Variants in NCMAP observed in about 807,000 individuals in gnomAD.
The protein encoded by NCMAP is noncompact myelin-associated protein.
A neutral mutation model predicts 7.8 loss-of-function variants in NCMAP; 8 were observed. The observed-to-expected ratio is 1.02, with a 90% CI of 0.60 to 1.84. The LOEUF (loss-of-function observed/expected upper bound fraction) is 1.84. Among genes scored for constraint, NCMAP ranks in the 40% most tolerant of loss-of-function variants. The pLI is 0.00. For synonymous variants in NCMAP, 41 were observed against 52.9 expected, an observed-to-expected ratio of 0.78 and a Z score of 0.98; for missense variants, 112 against 131.4, an observed-to-expected ratio of 0.85 and a Z score of 0.72.
Position 24,592,854 on chromosome 1 carries a change from G to C in NCMAP, c.-7-2570G>C, listed in dbSNP as rs182234787. Among the ~76,000 whole-genome samples, 74 of 152,268 alleles carry C rather than the reference G, an allele frequency of 4.9e-4. 1 individual carries two copies. The East Asian group carries it at 0.013, about 28-fold the overall frequency. The stretch of plus-strand genomic sequence containing the variant: ...GAATGGCGTGAACCCGGGAGGCGGA[G>C]CTTGCAGTGAGCCGTGATCATGCCA... On this transcript the variant is annotated intron_variant, in intron 1 of 3. Transcript: ENST00000374392.
chr1:24,557,205 G>C (rs915176730), intron 1 of NCMAP, among the ~76,000 whole-genome samples: 1 of 152,114 alleles, frequency 6.6e-6, no homozygotes, highest in African/African-American at 2.4e-5. Context: ...ATACATATTT[G>C]TCCAATGAAT....
intron 1 of NCMAP, among the ~76,000 whole-genome samples, chr1:24,582,189 A>G (rs913586806): frequency 7.2e-5 from 11 of 152,120 alleles, no homozygotes; most frequent in Non-Finnish European, 8.8e-5. Flanking sequence ...GATCCACCTC[A>G]GTGCCTCCCG....
At chr1:24,567,458 C>T (rs1195329401) in intron 1 of NCMAP, among the ~76,000 whole-genome samples, 1 of 152,134 alleles carries the variant, frequency 6.6e-6, no homozygotes, top group African/African-American at 2.4e-5. Context: ...CCCACTAGGG[C>T]CCAGGCATTC....
At position 24,579,937 on chromosome 1, in the gene NCMAP, A is replaced by G. The variant is rs189556862; in HGVS notation, c.-7-15487A>G. ...GGCTTTGACATTCCCATTTTCAGCC[A>G]GAGATTAGCCTTTGGCAGAGCTGAG... On this transcript the variant is annotated intron_variant, in intron 1 of 3. Transcript: ENST00000374392. Among the ~76,000 whole-genome samples, 373 of 152,286 alleles carry G rather than the reference A, an allele frequency of 2.4e-3. 5 individuals are homozygous for G. The highest frequency in any genetic ancestry group is 8.4e-3 in the African/African-American group (348 of 41,552).
chr1:24,598,867 A>G (rs1183528622), intron 2 of NCMAP, among the ~76,000 whole-genome samples: 1 of 149,718 alleles, frequency 6.7e-6, no homozygotes, highest in African/African-American at 2.5e-5. Context: ...CAAACTCCTG[A>G]CCTCAGGTGA....
intron 1 of NCMAP, among the ~76,000 whole-genome samples, chr1:24,572,634 C>A (rs992389882): frequency 6.6e-6 from 1 of 150,628 alleles, no homozygotes; most frequent in South Asian, 2.1e-4. Flanking sequence ...CTGCTCAGCC[C>A]CCTCCTCCTA....
intron 1 of NCMAP, among the ~76,000 whole-genome samples, chr1:24,573,532 G>A (rs1339390022): frequency 6.6e-6 from 1 of 150,644 alleles, no homozygotes; most frequent in Non-Finnish European, 1.5e-5. Context: ...AGGTTGCAGT[G>A]AGCTAAGATC....
chr1:24,560,859 G>A (rs919585930), intron 1 of NCMAP, among the ~76,000 whole-genome samples: 2 of 152,090 alleles, frequency 1.3e-5, no homozygotes, highest in Non-Finnish European at 2.9e-5. Flanking sequence ...GAAAACAAAT[G>A]GTTAACTTGC....
intron 2 of NCMAP, among the ~76,000 whole-genome samples, chr1:24,597,753 T>C (rs944837057): frequency 6.6e-6 from 1 of 152,148 alleles, no homozygotes; most frequent in Non-Finnish European, 1.5e-5. Flanking sequence ...CTAGATAGGG[T>C]TACCAGATTT....
intron 2 of NCMAP, among the ~76,000 whole-genome samples, chr1:24,597,692 A>G (rs1298638078): frequency 1.0e-5 from 1 of 96,624 alleles, no homozygotes; most frequent in African/African-American, 3.0e-5. Flanking sequence ...GAAAGAAAGA[A>G]AGAGAAAGAA....
intron 2 of NCMAP, among the ~76,000 whole-genome samples, chr1:24,598,476 G>A (rs1426782829): frequency 6.6e-6 from 1 of 151,716 alleles, no homozygotes; most frequent in Non-Finnish European, 1.5e-5. Context: ...TTATATAAAT[G>A]GCCTATAGGT....
chr1:24,604,072 C>T (rs960471570), intron 3 of NCMAP, among the ~76,000 whole-genome samples: 8 of 152,180 alleles, frequency 5.3e-5, no homozygotes, highest in Non-Finnish European at 2.9e-5. Context: ...CCTAAGAAGT[C>T]CTTTTATAAT....
At chr1:24,601,716 G>A (rs1193701541) in intron 3 of NCMAP, among the ~76,000 whole-genome samples, 2 of 152,088 alleles carry the variant, frequency 1.3e-5, no homozygotes, top group Admixed American at 6.6e-5. Flanking sequence ...TCCAGCCTGG[G>A]CAACATAGCA....
chr1:24,562,978 G>GA (rs1651098020), intron 1 of NCMAP, among the ~76,000 whole-genome samples: 1 of 152,204 alleles, frequency 6.6e-6, no homozygotes, highest in Admixed American at 6.5e-5. Flanking sequence ...GCATCCCTGG[G>GA]GGGGGACAGG....
chr1:24,560,507 C>T (rs1929305), intron 1 of NCMAP, among the ~76,000 whole-genome samples: 17 of 152,168 alleles, frequency 1.1e-4, no homozygotes, highest in Non-Finnish European at 2.2e-4. Flanking sequence ...TGTTGGCTCA[C>T]GCCAAGGCAG....
At chr1:24,565,660 G>A (rs931772178) in intron 1 of NCMAP, among the ~76,000 whole-genome samples, 17 of 151,414 alleles carry the variant, frequency 1.1e-4, no homozygotes, top group African/African-American at 2.9e-4. Flanking sequence ...GTGCAGTGGC[G>A]TGATCATGGC....
At chr1:24,574,422 G>A (rs999552778) in intron 1 of NCMAP, among the ~76,000 whole-genome samples, 7 of 152,000 alleles carry the variant, frequency 4.6e-5, no homozygotes, top group Non-Finnish European at 8.8e-5. Flanking sequence ...CCCGGCCAAC[G>A]GGACTGAGAG....
chr1:24,602,443 G>A (rs1276315639), intron 3 of NCMAP, among the ~76,000 whole-genome samples: 2 of 146,510 alleles, frequency 1.4e-5, no homozygotes, highest in Admixed American at 6.7e-5. Context: ...AGTGGTGGGC[G>A]CCTGTAGTCC....
At chr1:24,563,540 A>G (rs1395297390) in intron 1 of NCMAP, 1 of 151,456 alleles carries the variant, frequency 6.6e-6, no homozygotes. Context: ...ACAACAAAAA[A>G]AAAAAAAAAA....
Sources: allele counts gnomAD v4.1 joint callset (sites outside exome capture counted in the v4.1 genomes callset), GRCh38; gene constraint gnomAD v4.1.1; transcripts MANE v1.5; gene names NCBI Gene and HGNC (gene_info 2026-07-23, HGNC 2026-07-21).